The following TSPAN18 variants were observed in gnomAD, a reference collection of about 807,000 sequenced individuals.
TSPAN18 encodes the protein tetraspanin-18.
TSPAN18 carries 14 observed loss-of-function variants against 27.3 expected under a neutral mutation model. The observed-to-expected ratio is 0.51, with a 90% CI of 0.34 to 0.80. TSPAN18 has a LOEUF of 0.80. Among genes scored for constraint, TSPAN18 ranks in the 30% least tolerant of loss-of-function variants. TSPAN18 has a pLI of 0.01. For missense variants in TSPAN18, 268 were observed against 323.9 expected (o/e 0.83, Z 1.32); for synonymous variants, 143 against 136.5 (o/e 1.05, Z -0.33).
intron 2 of TSPAN18, among the ~76,000 whole-genome samples, chr11:44,775,344 G>T (rs911078864): frequency 2.6e-5 from 4 of 152,150 alleles, no homozygotes; most frequent in Admixed American, 2.6e-4. Flanking sequence ...CTTTTTGCAC[G>T]TGTGTAGTCA....
chr11:44,744,194 T>C lies in TSPAN18; in HGVS notation c.-240+16907T>C, dbSNP rs556619262. On this transcript the variant is annotated intron_variant, in intron 1 of 9. Transcript: ENST00000520358. Reference sequence around the variant, plus strand: ...GGGGCCTCCTCCCTGGGTTTGCGTGTATTATCGCTTCGGAAAAGGCCAATT... The same window carrying C: ...GGGGCCTCCTCCCTGGGTTTGCGTGCATTATCGCTTCGGAAAAGGCCAATT... Among the ~76,000 whole-genome samples, 3 of 152,294 alleles carry C rather than the reference T, an allele frequency of 2.0e-5. 1 individual carries two copies. The South Asian group carries it at 6.2e-4, about 32-fold the overall frequency.
At chr11:44,864,282 G>A (rs1210301091) in intron 3 of TSPAN18, among the ~76,000 whole-genome samples, 11 of 81,108 alleles carry the variant, frequency 1.4e-4, no homozygotes, top group African/African-American at 1.8e-4. Context: ...GTGAGACTCC[G>A]TCTCAAAAAA....
chr11:44,790,573 TGC>T (rs376434489), intron 2 of TSPAN18, among the ~76,000 whole-genome samples: 103 of 151,238 alleles, frequency 6.8e-4, no homozygotes, highest in African/African-American at 2.1e-3. Flanking sequence ...CGTGTGTGTG[TGC>T]ATGTGTGTGC....
At chr11:44,807,356 C>T (rs1565158470) in intron 2 of TSPAN18, among the ~76,000 whole-genome samples, 1 of 151,226 alleles carries the variant, frequency 6.6e-6, no homozygotes, top group East Asian at 1.9e-4. Context: ...TGGTGAAACC[C>T]TGTCTCTACT....
At chr11:44,794,650 A>G (rs900972383) in intron 2 of TSPAN18, among the ~76,000 whole-genome samples, 12 of 151,988 alleles carry the variant, frequency 7.9e-5, no homozygotes, top group Non-Finnish European at 1.3e-4. Flanking sequence ...CCTGGGCAAC[A>G]GAGCAAGACT....
At chr11:44,873,587 A>G (rs1858251267) in intron 3 of TSPAN18, among the ~76,000 whole-genome samples, 1 of 152,202 alleles carries the variant, frequency 6.6e-6, no homozygotes, top group Admixed American at 6.5e-5. Context: ...TCTAAGGAGG[A>G]AATTCTAAGG....
intron 2 of TSPAN18, among the ~76,000 whole-genome samples, chr11:44,786,985 G>A (rs983647155): frequency 6.6e-6 from 1 of 152,118 alleles, no homozygotes; most frequent in Non-Finnish European, 1.5e-5. Flanking sequence ...ACCATTTAGG[G>A]TGATCTTAGG....
intron 2 of TSPAN18, among the ~76,000 whole-genome samples, chr11:44,785,492 A>G (rs985946112): frequency 2.4e-4 from 37 of 152,050 alleles, no homozygotes; most frequent in Non-Finnish European, 5.0e-4. Flanking sequence ...CTCGTACAAA[A>G]AAGTTATCCT....
In TSPAN18 at chr11:44,868,606, T is replaced by A. The variant is rs115606664; in HGVS notation, c.-11+8137T>A. Among the ~76,000 whole-genome samples, 1,428 of 152,240 alleles carry A rather than the reference T, an allele frequency of 9.4e-3. 31 individuals are homozygous for A. The highest frequency in any genetic ancestry group is 0.03 in the African/African-American group (1,255 of 41,554). ...GGCCAGGCGGGCACAGCTTAGGGAATGGGGACTCGCCTCTCCCAGGATCAG... is the reference window on the plus strand; with the variant it reads ...GGCCAGGCGGGCACAGCTTAGGGAAAGGGGACTCGCCTCTCCCAGGATCAG... On this transcript the variant is annotated intron_variant, in intron 3 of 9. Coordinates refer to ENST00000520358, the MANE Select transcript of TSPAN18 (RefSeq NM_130783.5).
chr11:44,794,102 G>A (rs1186690753), intron 2 of TSPAN18, among the ~76,000 whole-genome samples: 1 of 152,152 alleles, frequency 6.6e-6, no homozygotes, highest in African/African-American at 2.4e-5. Context: ...GAGAAGCAGG[G>A]CCCCTTCCCC....
intron 3 of TSPAN18, among the ~76,000 whole-genome samples, chr11:44,895,619 G>A (rs1859015250): frequency 6.6e-6 from 1 of 152,152 alleles, no homozygotes; most frequent in South Asian, 2.1e-4. Flanking sequence ...ACACCACAAG[G>A]GGTGAGCCCA....
chr11:44,840,965 G>A (rs183334919), intron 2 of TSPAN18, among the ~76,000 whole-genome samples: 1 of 152,256 alleles, frequency 6.6e-6, no homozygotes, highest in African/African-American at 2.4e-5. Context: ...AAAGAGCCTG[G>A]TATCATCACA....
At chr11:44,916,381 C>G (rs1859909260) in intron 5 of TSPAN18, among the ~76,000 whole-genome samples, 1 of 152,148 alleles carries the variant, frequency 6.6e-6, no homozygotes, top group Non-Finnish European at 1.5e-5. Flanking sequence ...CAGCAGCCCA[C>G]AGAGCATCTG....
intron 2 of TSPAN18, among the ~76,000 whole-genome samples, chr11:44,815,627 G>T (rs1856804853): frequency 6.6e-6 from 1 of 152,172 alleles, no homozygotes; most frequent in Non-Finnish European, 1.5e-5. Context: ...TGGCCCCAGG[G>T]ATACCATGGT....
Position 44,857,584 on chromosome 11 carries a change from G to A in TSPAN18, c.-152-2744G>A, listed in dbSNP as rs147465561. On this transcript the variant is annotated intron_variant, in intron 2 of 9. Coordinates refer to ENST00000520358, the MANE Select transcript of TSPAN18 (RefSeq NM_130783.5). ...GGAAAATGCCAGGCCAGGCCTCCACGAGAGGGATCTGGCCTCAACGAGTGT... is the reference window on the plus strand; with the variant it reads ...GGAAAATGCCAGGCCAGGCCTCCACAAGAGGGATCTGGCCTCAACGAGTGT... Among the ~76,000 whole-genome samples the A allele has an allele frequency of 1.8e-3, 275 of 152,302 alleles. 2 individuals carry two copies. The highest frequency in any genetic ancestry group is 6.3e-3 in the African/African-American group (263 of 41,564).
chr11:44,800,016 T>G lies in TSPAN18; in HGVS notation c.-153+35504T>G, dbSNP rs866069253. Among the ~76,000 whole-genome samples, 94 of 148,626 alleles carry G rather than the reference T, an allele frequency of 6.3e-4. 2 individuals are homozygous for G. Among genetic ancestry groups the G allele is most frequent in the South Asian group, 4.5e-3 (21 of 4,618 alleles). Reference sequence around the variant, plus strand: ...CGGCTAATTTTTTGTGTTTTTTTTTTTTTTTTTTTTTTGTATTTTTAGTAG... The same window carrying G: ...CGGCTAATTTTTTGTGTTTTTTTTTGTTTTTTTTTTTTGTATTTTTAGTAG... On this transcript the variant is annotated intron_variant, in intron 2 of 9. Coordinates refer to ENST00000520358, the MANE Select transcript of TSPAN18 (RefSeq NM_130783.5).
rs373752800 is a variant in TSPAN18 at position 44,930,952 on chromosome 11, G to A, written c.*1774G>A. The A allele has an allele frequency of 9.6e-5, 49 of 508,954 alleles. No individual in the cohort carries two copies. The highest frequency in any genetic ancestry group is 1.8e-4 in the East Asian group (3 of 17,034). The allele number at this position is 508,954 out of a possible 1,614,324, so 31.5% of individuals were successfully genotyped here. A position where few individuals can be genotyped will look rare whatever the true frequency, so the allele number is the denominator to read the frequency against. On this transcript the variant is annotated 3_prime_UTR_variant, in exon 10 of 10. Transcript: ENST00000520358. ...GGCTTTCCAGTCACCAGGGACACTCGGAGCCACAGCCTAGAGCCCCGTGTT... is the reference window on the plus strand; with the variant it reads ...GGCTTTCCAGTCACCAGGGACACTCAGAGCCACAGCCTAGAGCCCCGTGTT...
intron 2 of TSPAN18, among the ~76,000 whole-genome samples, chr11:44,850,965 G>A (rs572256317): frequency 1.8e-4 from 28 of 152,208 alleles, no homozygotes; most frequent in Non-Finnish European, 3.7e-4. Context: ...ACAGAAAGGA[G>A]AATGTAGAAG....
At chr11:44,730,158 T>C (rs1854617668) in intron 1 of TSPAN18, among the ~76,000 whole-genome samples, 1 of 152,034 alleles carries the variant, frequency 6.6e-6, no homozygotes, top group Non-Finnish European at 1.5e-5. Flanking sequence ...GTTGAGTGAA[T>C]GCAGCAGCTT....
Sources: allele counts gnomAD v4.1 joint callset (sites outside exome capture counted in the v4.1 genomes callset), GRCh38; gene constraint gnomAD v4.1.1; transcripts MANE v1.5; gene names NCBI Gene and HGNC (gene_info 2026-07-23, HGNC 2026-07-21).